Variants in ANKFN1 observed in about 807,000 individuals in gnomAD.
The protein encoded by ANKFN1 is ankyrin repeat and fibronectin type III domain containing 1, also known as ankyrin repeat and fibronectin type-III domain-containing protein 1.
In ANKFN1, 74 loss-of-function variants were observed where a neutral mutation model predicts 108.7. The observed-to-expected ratio is 0.68, with a 90% CI of 0.56 to 0.83. The LOEUF is 0.83. Among genes scored for constraint, ANKFN1 ranks in the 40% least tolerant of loss-of-function variants. The pLI, the probability that ANKFN1 is intolerant of heterozygous loss-of-function variation, is 0.00. For missense variants in ANKFN1, 1,505 were observed against 1,382.3 expected (o/e 1.09, Z -1.41); for synonymous variants, 547 against 516.2 (o/e 1.06, Z -0.81).
rs3086033 is a variant in ANKFN1 at position 56,280,008 on chromosome 17, CTTTT to C, written c.54-46200_54-46197del. On this transcript the variant is annotated intron_variant, in intron 3 of 20. Transcript: ENST00000682825. ...TTTCAGGTTGGGAGCCACATAATGT[CTTTT>C]TTTTTTTTTTTTCTCAAGACGGAGT... Among the ~76,000 whole-genome samples the C allele has an allele frequency of 3.2e-3, 433 of 134,854 alleles. 7 individuals carry two copies. Among genetic ancestry groups the C allele is most frequent in the African/African-American group, 0.012 (409 of 34,072 alleles). The allele number at this position is 134,854 out of a possible 152,430, so 88.5% of individuals were successfully genotyped here.
At chr17:56,359,223 A>G (rs2046450627) in intron 6 of ANKFN1, among the ~76,000 whole-genome samples, 2 of 152,186 alleles carry the variant, frequency 1.3e-5, no homozygotes, top group South Asian at 4.1e-4. Flanking sequence ...CACTATGTGT[A>G]TCATCGACAC....
intron 3 of ANKFN1, among the ~76,000 whole-genome samples, chr17:56,298,273 T>C (rs62073042): frequency 0.13 from 19,306 of 152,244 alleles, 1,472 homozygotes; most frequent in African/African-American, 0.22. Context: ...GAATTATGGA[T>C]GATTTTTGCT....
chr17:56,425,900 T>TTTTTA (rs2048549547), intron 8 of ANKFN1, among the ~76,000 whole-genome samples: 1 of 152,206 alleles, frequency 6.6e-6, no homozygotes, highest in African/African-American at 2.4e-5. Flanking sequence ...TGAGCTTTGT[T>TTTTTA]CATATTTACA....
At chr17:56,425,537 C>A (rs756823094) in intron 8 of ANKFN1, among the ~76,000 whole-genome samples, 1 of 152,234 alleles carries the variant, frequency 6.6e-6, no homozygotes, top group African/African-American at 2.4e-5. Flanking sequence ...GAGCTCCTGT[C>A]TCCTGTCCCA....
chr17:56,073,959 T>A (rs1321759192), intron 4 of ANKFN1, among the ~76,000 whole-genome samples: 2 of 152,244 alleles, frequency 1.3e-5, no homozygotes, highest in Non-Finnish European at 2.9e-5. Flanking sequence ...CTTGAGCATT[T>A]GTGTATAAAG....
At chr17:56,108,600 C>G (rs1197667694) in intron 4 of ANKFN1, among the ~76,000 whole-genome samples, 2 of 152,186 alleles carry the variant, frequency 1.3e-5, no homozygotes, top group Non-Finnish European at 2.9e-5. Flanking sequence ...GGTTAAGTAA[C>G]TTAACCAATA....
At chr17:56,076,284 A>C (rs1905180230) in intron 4 of ANKFN1, among the ~76,000 whole-genome samples, 1 of 152,220 alleles carries the variant, frequency 6.6e-6, no homozygotes, top group South Asian at 2.1e-4. Context: ...CTGCTACTAT[A>C]CCAGAGATGG....
At chr17:56,162,434 G>A (rs566594366) in intron 1 of ANKFN1, among the ~76,000 whole-genome samples, 1 of 152,264 alleles carries the variant, frequency 6.6e-6, no homozygotes, top group South Asian at 2.1e-4. Flanking sequence ...GCTTATAGAT[G>A]GCCATCCTGT....
intron 8 of ANKFN1, among the ~76,000 whole-genome samples, chr17:56,376,282 T>C (rs2046945987): frequency 6.6e-6 from 1 of 152,208 alleles, no homozygotes; most frequent in African/African-American, 2.4e-5. Flanking sequence ...AACGCCACTG[T>C]GTTTGTAATA....
chr17:56,476,531 C>G (rs1054221092), intron 15 of ANKFN1, among the ~76,000 whole-genome samples: 1 of 152,100 alleles, frequency 6.6e-6, no homozygotes, highest in Admixed American at 6.6e-5. Context: ...AATGAAAATC[C>G]ATTACAGGGC....
intron 4 of ANKFN1, among the ~76,000 whole-genome samples, chr17:56,117,101 T>A (rs1238387883): frequency 6.6e-6 from 1 of 152,212 alleles, no homozygotes; most frequent in African/African-American, 2.4e-5. Context: ...ATTTTTTTCT[T>A]CATAATTCTT....
At chr17:56,252,592 G>A (rs8076957) in intron 3 of ANKFN1, among the ~76,000 whole-genome samples, 60 of 143,986 alleles carry the variant, frequency 4.2e-4, no homozygotes, top group East Asian at 1.1e-3. Flanking sequence ...ACTGGGCAAC[G>A]TAGTGAGACA....
intron 4 of ANKFN1, among the ~76,000 whole-genome samples, chr17:56,106,477 C>G (rs1471567579): frequency 6.6e-6 from 1 of 152,196 alleles, no homozygotes; most frequent in Non-Finnish European, 1.5e-5. Context: ...CTACAAAATC[C>G]CACCTGGCTC....
At chr17:56,273,320 C>T (rs2043839175) in intron 3 of ANKFN1, among the ~76,000 whole-genome samples, 1 of 152,074 alleles carries the variant, frequency 6.6e-6, no homozygotes, top group Non-Finnish European at 1.5e-5. Flanking sequence ...ATAACTGGCT[C>T]ATATCATAAT....
At chr17:56,249,071 G>T (rs1490712582) in intron 3 of ANKFN1, among the ~76,000 whole-genome samples, 1 of 152,098 alleles carries the variant, frequency 6.6e-6, no homozygotes, top group African/African-American at 2.4e-5. Flanking sequence ...ACAGCTCGGG[G>T]TATCATTCAG....
chr17:56,362,780 C>T (rs961222671), intron 6 of ANKFN1, among the ~76,000 whole-genome samples: 4 of 152,080 alleles, frequency 2.6e-5, no homozygotes, highest in Admixed American at 6.6e-5. Flanking sequence ...AGCTTTTTCA[C>T]AGCAAAGGAA....
At chr17:56,248,632 A>G (rs2043168694) in intron 3 of ANKFN1, among the ~76,000 whole-genome samples, 3 of 152,208 alleles carry the variant, frequency 2.0e-5, no homozygotes, top group Non-Finnish European at 4.4e-5. Context: ...AGGATCTGGA[A>G]TTTAAGCATC....
chr17:56,167,916 G>A (rs554648412), intron 1 of ANKFN1, among the ~76,000 whole-genome samples: 2 of 152,112 alleles, frequency 1.3e-5, no homozygotes, highest in African/African-American at 4.8e-5. Flanking sequence ...CCTGGAAAAT[G>A]CAGGCTTCCA....
chr17:56,306,539 C>T (rs1264236745), intron 3 of ANKFN1, among the ~76,000 whole-genome samples: 1 of 152,132 alleles, frequency 6.6e-6, no homozygotes, highest in Non-Finnish European at 1.5e-5. Flanking sequence ...AGGACCTCTT[C>T]AAGGAGAACT....
Sources: gnomAD v4.1 joint callset for allele counts (sites outside exome capture counted in the v4.1 genomes callset) on GRCh38, gnomAD v4.1.1 for gene constraint, MANE v1.5 for transcripts, NCBI Gene and HGNC (gene_info 2026-07-23, HGNC 2026-07-21) for gene names.